Variants in MRPS15 observed in about 807,000 individuals in gnomAD.
MRPS15 encodes the protein mitochondrial ribosomal protein S15.
A neutral mutation model predicts 30.7 loss-of-function variants in MRPS15; 25 were observed. The ratio of observed to expected loss-of-function variants is 0.81; its 90% CI spans 0.59 to 1.14. MRPS15 has a LOEUF of 1.14. Ranked by LOEUF, MRPS15 falls within the 50% of genes most tolerant of loss-of-function variation. The pLI, the probability that MRPS15 is intolerant of heterozygous loss-of-function variation, is 0.00. For missense variants in MRPS15, 313 were observed against 321.7 expected (o/e 0.97, Z 0.21); for synonymous variants, 124 against 120.1 (o/e 1.03, Z -0.21).
In MRPS15 at chr1:36,458,202, T is replaced by C. The variant is rs111708363; in HGVS notation, c.386-221A>G. 1 of 486,340 alleles carries C rather than the reference T, an allele frequency of 2.1e-6. No individual in the cohort carries two copies. Among genetic ancestry groups the C allele is most frequent in the African/African-American group, 2.0e-5 (1 of 50,796 alleles). The allele number at this position is 486,340 out of a possible 1,614,324, so 30.1% of individuals were successfully genotyped here. On this transcript the variant is annotated intron_variant, in intron 5 of 7. Transcript: ENST00000373116. This position sits in a 1 kb window ranked among gnomAD's most constrained non-coding sequence, Gnocchi z 4.5. ...AAGGAAGGGACATCCCTTAATATTA[T>C]AAAGATATCATCCAAAAATCATAGC...
chr1:36,464,297 G>A lies in MRPS15; in HGVS notation c.-22C>T, dbSNP rs750309339. The A allele has an allele frequency of 8.2e-6, 13 of 1,595,010 alleles. No homozygotes were observed. In the South Asian group the frequency reaches 1.5e-4, roughly 18 times the overall value. Reference sequence around the variant, plus strand: ...GCATGGTGACCTCTAACCCCCGCGGGGCCCGCGCCGCGGCCGCCGTTCGCT... The same window carrying A: ...GCATGGTGACCTCTAACCCCCGCGGAGCCCGCGCCGCGGCCGCCGTTCGCT... On this transcript the variant is annotated 5_prime_UTR_variant, in exon 1 of 8. Coordinates refer to ENST00000373116, the MANE Select transcript of MRPS15 (RefSeq NM_031280.4).
chr1:36,458,201 A>G lies in MRPS15; in HGVS notation c.386-220T>C, dbSNP rs549835120. 177 of 489,420 alleles carry G rather than the reference A, an allele frequency of 3.6e-4. No homozygotes were observed. The highest frequency in any genetic ancestry group is 3.9e-4 in the Non-Finnish European group (106 of 272,896). 30.3% of individuals were successfully genotyped at this position (489,420 alleles called of 1,614,324 possible). A position where few individuals can be genotyped will look rare whatever the true frequency, so the allele number is the denominator to read the frequency against. On this transcript the variant is annotated intron_variant, in intron 5 of 7. Coordinates refer to ENST00000373116, the MANE Select transcript of MRPS15 (RefSeq NM_031280.4). This position sits in a 1 kb window ranked among gnomAD's most constrained non-coding sequence, Gnocchi z 4.5. ...CAAGGAAGGGACATCCCTTAATATTATAAAGATATCATCCAAAAATCATAG... is the reference window on the plus strand; with the variant it reads ...CAAGGAAGGGACATCCCTTAATATTGTAAAGATATCATCCAAAAATCATAG...
rs371689689 is a variant in MRPS15, at chr1:36,463,937, C to T, written c.131-87G>A. 1.6e-5 allele frequency: 24 copies of T among 1,538,808 alleles called. No homozygotes were observed. The South Asian group carries it at 2.8e-4, about 18-fold the overall frequency. On this transcript the variant is annotated intron_variant, in intron 1 of 7. Coordinates refer to ENST00000373116, the MANE Select transcript of MRPS15 (RefSeq NM_031280.4). ...CTGTGCCCCTCGCATTGCCCGTCCG[C>T]CACGGTCTATGCGCTTCTGAACCTA...
chr1:36,456,566 G>A (rs1297114629), intron 6 of MRPS15, 188 bp from the exon 7 acceptor site: 1 of 603,864 alleles, frequency 1.7e-6, no homozygotes, highest in Non-Finnish European at 2.8e-6. Context: ...GTTTAAAGAT[G>A]TTATCTGATT....
chr1:36,457,130 G>C (rs2124078017), intron 6 of MRPS15, among the ~76,000 whole-genome samples: 1 of 152,218 alleles, frequency 6.6e-6, no homozygotes, highest in South Asian at 2.1e-4. Flanking sequence ...CAAAAAATTA[G>C]CTGGGTGTGG....
chr1:36,457,721 C>T (rs1351635680), intron 6 of MRPS15, among the ~76,000 whole-genome samples: 1 of 152,206 alleles, frequency 6.6e-6, no homozygotes, highest in Non-Finnish European at 1.5e-5. Flanking sequence ...GTGCCAGACA[C>T]AGTGATCATG....
At chr1:36,460,028 C>T (rs931163874) in intron 5 of MRPS15, among the ~76,000 whole-genome samples, 26 of 152,218 alleles carry the variant, frequency 1.7e-4, no homozygotes, top group African/African-American at 4.8e-4. Flanking sequence ...TTTTTATTTT[C>T]GAGACGGAGT....
chr1:36,464,063 C>CCCCTACTCCTGTGCTTCCTTATT (rs1650156624), intron 1 of MRPS15, 83 bp downstream of exon 1: 2 of 1,569,796 alleles, frequency 1.3e-6, no homozygotes, highest in East Asian at 4.5e-5. Flanking sequence ...CTGTATATCT[C>CCCCTACTCCTGTGCTTCCTTATT]CCCTACTCCT....
At position 36,456,169 on chromosome 1, in the gene MRPS15, C is replaced by T. The variant is rs780644658; in HGVS notation, c.636+18G>A. 87 of 1,589,420 alleles carry T rather than the reference C, an allele frequency of 5.5e-5. No homozygotes were observed. Among genetic ancestry groups the T allele is most frequent in the Middle Eastern group, 2.1e-4 (1 of 4,688 alleles). On this transcript the variant is annotated intron_variant, in intron 7 of 7. Coordinates refer to ENST00000373116, the MANE Select transcript of MRPS15 (RefSeq NM_031280.4). ...GTCCCTGAGTGGGGCCAAGCAAAGCCGCAATTCTGACTCGTACCCGAATGC... is the reference window on the plus strand; with the variant it reads ...GTCCCTGAGTGGGGCCAAGCAAAGCTGCAATTCTGACTCGTACCCGAATGC...
At chr1:36,464,072 C>CTTCCTTCTCCCCTACTCT in intron 1 of MRPS15, 74 bp downstream of exon 1, 1 of 1,577,620 alleles carries the variant, frequency 6.3e-7, no homozygotes, top group Non-Finnish European at 8.6e-7. Flanking sequence ...TCCCCTACTC[C>CTTCCTTCTCCCCTACTCT]TGTGCTTCCT....
chr1:36,456,303 T>C lies in MRPS15; in HGVS notation c.520A>G (p.Asn174Asp). ...CATATCTTCTCAAAGACATCATAGT[T>C]GGTGTTACGGAGGTTTTTGAGCATC... The part of the protein sequence containing the change: ...KKMLKNLRNT[N>D]YDVFEKICWG... The change falls in exon 7 of 8, where the codon AAC becomes GAC. Residue 174 changes from asparagine (N) to aspartate (D), a missense_variant. Physicochemically the swap from Asn to Asp is conservative, Grantham distance 23 (BLOSUM62 1). Coordinates refer to ENST00000373116, the MANE Select transcript of MRPS15 (RefSeq NM_031280.4). 1 of 1,614,198 alleles carries C rather than the reference T, an allele frequency of 6.2e-7. No individual in the cohort carries two copies.
intron 3 of MRPS15, among the ~76,000 whole-genome samples, chr1:36,461,569 C>T (rs750692186): frequency 6.6e-5 from 10 of 152,132 alleles, no homozygotes; most frequent in Non-Finnish European, 1.3e-4. Flanking sequence ...AGAGGATTTC[C>T]ATTTTAGCTA....
In MRPS15 at chr1:36,462,114, G is replaced by A; in HGVS notation, c.225C>T (p.Asp75=). ...TCTCAATTCCAGGGACATTCTGGTA[G>A]TCTTTGAGCAGCGTAGAGGGAGGTG... ...DDPPPSTLLK[D]YQNVPGIEKV... Residue 75 remains aspartate (D), a synonymous_variant, in exon 3 of 8, where the codon GAC becomes GAT. Coordinates refer to ENST00000373116, the MANE Select transcript of MRPS15 (RefSeq NM_031280.4). 1 of 1,613,314 alleles carries A rather than the reference G, an allele frequency of 6.2e-7. No homozygotes were observed. The highest frequency in any genetic ancestry group is 8.5e-7 in the Non-Finnish European group (1 of 1,179,444).
intron 4 of MRPS15, 123 bp downstream of exon 4, chr1:36,461,141 C>A: frequency 1.1e-6 from 1 of 937,108 alleles, no homozygotes; most frequent in Non-Finnish European, 1.7e-6. Flanking sequence ...CAAATGGAGG[C>A]AGAATGACAG....
At position 36,458,431 on chromosome 1, in the gene MRPS15, G is replaced by C. The variant is rs1332441663; in HGVS notation, c.386-450C>G. 6.4e-6 allele frequency: 1 copy of C among 157,252 alleles called. No individual in the cohort carries two copies. Among genetic ancestry groups the C allele is most frequent in the Admixed American group, 6.3e-5 (1 of 15,808 alleles). 9.7% of individuals were successfully genotyped at this position (157,252 alleles called of 1,614,324 possible). On this transcript the variant is annotated intron_variant, in intron 5 of 7. Coordinates refer to ENST00000373116, the MANE Select transcript of MRPS15 (RefSeq NM_031280.4). This position sits in a 1 kb window ranked among gnomAD's most constrained non-coding sequence, Gnocchi z 4.5. Reference sequence around the variant, plus strand: ...TTTAGTAGAGACGGGGTTTCACCATGTTGGCCAGGCTGGTCTCAAACTCCT... The same window carrying C: ...TTTAGTAGAGACGGGGTTTCACCATCTTGGCCAGGCTGGTCTCAAACTCCT...
At chr1:36,459,452 A>G (rs890918055) in intron 5 of MRPS15, 4 of 151,326 alleles carry the variant, frequency 2.6e-5, no homozygotes, top group Non-Finnish European at 5.9e-5. Context: ...AGACGACCCC[A>G]GTAACCACCT....
At position 36,462,440 on chromosome 1, in the gene MRPS15, C is replaced by T. The variant is rs1220316948; in HGVS notation, c.176-277G>A. Among the ~76,000 whole-genome samples the T allele has an allele frequency of 2.0e-5, 3 of 152,362 alleles. No homozygotes were observed. The East Asian group carries it at 5.8e-4, about 29-fold the overall frequency. On this transcript the variant is annotated intron_variant, in intron 2 of 7. Transcript: ENST00000373116. Reference sequence around the variant, plus strand: ...GGCTCTACAGTTCTCAGATCCCCCACTAGGATGGGTCCTCCTGTGGATAGG... The same window carrying T: ...GGCTCTACAGTTCTCAGATCCCCCATTAGGATGGGTCCTCCTGTGGATAGG...
Position 36,461,316 on chromosome 1 carries a change from T to A in MRPS15, c.252-4A>T, listed in dbSNP as rs756477300. ...TCTTTTCACGACATCATCAACCCTG[T>A]GGATAAACCACAGCAATGAGACAGA... On this transcript the variant is annotated splice_polypyrimidine_tract_variant and splice_region_variant and intron_variant, in intron 3 of 7. Coordinates refer to ENST00000373116, the MANE Select transcript of MRPS15 (RefSeq NM_031280.4). 8 of 1,613,896 alleles carry A rather than the reference T, an allele frequency of 5.0e-6. No homozygotes were observed. In the South Asian group the frequency reaches 8.8e-5, roughly 18 times the overall value.
intron 1 of MRPS15, 58 bp downstream of exon 1, chr1:36,464,088 C>T (rs1650158741): frequency 6.3e-7 from 1 of 1,594,678 alleles, no homozygotes; most frequent in South Asian, 1.1e-5. Context: ...TTCCTTATTC[C>T]CTATCTTCGC....
Sources: gnomAD v4.1 joint callset for allele counts (sites outside exome capture counted in the v4.1 genomes callset) on GRCh38, gnomAD v4.1.1 for gene constraint, Gnocchi (gnomAD v3.1) non-coding constraint, MANE v1.5 for transcripts, NCBI Gene and HGNC (gene_info 2026-07-23, HGNC 2026-07-21) for gene names.